CEP128: variants seen among roughly 807,000 people sequenced by gnomAD.
CEP128 encodes centrosomal protein 128.
Under a neutral mutation model 156.7 loss-of-function variants are expected in CEP128, and 132 were observed. That is an observed-to-expected ratio of 0.84 (90% CI 0.73 to 0.97). CEP128 has a LOEUF of 0.97. Ranked by LOEUF, CEP128 falls within the 50% of genes least tolerant of loss-of-function variation. The probability of loss-of-function intolerance (pLI) is 0.00; values close to 1 mark genes in which losing one functional copy is unlikely to be tolerated. For synonymous variants in CEP128, 469 were observed against 448.9 expected (o/e 1.04, Z -0.57); for missense variants, 1,252 against 1,281.9 (o/e 0.98, Z 0.36).
chr14:80,953,969 T>TA (rs1012614366), intron 2 of CEP128, among the ~76,000 whole-genome samples: 9 of 152,176 alleles, frequency 5.9e-5, no homozygotes, highest in East Asian at 1.9e-4. Context: ...TGGTAATTTT[T>TA]AAAAAAACAA....
chr14:80,782,712 A>T (rs1277703528), intron 15 of CEP128, among the ~76,000 whole-genome samples: 1 of 151,610 alleles, frequency 6.6e-6, no homozygotes, highest in Non-Finnish European at 1.5e-5. Flanking sequence ...TTTTTATCAA[A>T]TCCCCTCACA....
rs116201464 is a variant in CEP128 at position 80,696,869 on chromosome 14, G to A, written c.2806+46206C>T. On this transcript the variant is annotated intron_variant, in intron 19 of 24. Transcript: ENST00000555265. Reference sequence around the variant, plus strand: ...AGATGGAATATAAAATTCACAGAGCGTCGTTTCTTTGTATTTGCTTGGCTG... The same window carrying A: ...AGATGGAATATAAAATTCACAGAGCATCGTTTCTTTGTATTTGCTTGGCTG... Among the ~76,000 whole-genome samples the A allele has an allele frequency of 4.7e-3, 715 of 152,272 alleles. 6 individuals are homozygous for A. The highest frequency in any genetic ancestry group is 0.016 in the African/African-American group (676 of 41,574).
Position 80,722,867 on chromosome 14 carries a change from C to T in CEP128, c.2806+20208G>A, listed in dbSNP as rs192744492. The stretch of plus-strand genomic sequence containing the variant: ...TTGAGACGGGAGTCTTGCTCTGTCG[C>T]CCAGGCTGGAGTGCAATGGCGCGAT... On this transcript the variant is annotated intron_variant, in intron 19 of 24. Transcript: ENST00000555265. Among the ~76,000 whole-genome samples the T allele has an allele frequency of 2.7e-3, 395 of 148,224 alleles. 1 individual carries two copies. The highest frequency in any genetic ancestry group is 4.1e-3 in the Non-Finnish European group (274 of 67,342).
At chr14:80,936,049 AG>A (rs1885789548) in intron 2 of CEP128, among the ~76,000 whole-genome samples, 1 of 152,204 alleles carries the variant, frequency 6.6e-6, no homozygotes, top group South Asian at 2.1e-4. Context: ...TTTCATCAGG[AG>A]TCCACCCTGC....
At chr14:80,877,822 C>T (rs1209292558) in intron 8 of CEP128, among the ~76,000 whole-genome samples, 2 of 152,174 alleles carry the variant, frequency 1.3e-5, no homozygotes, top group Non-Finnish European at 2.9e-5. Context: ...AACCCAGAGC[C>T]TTGAAGTGCT....
chr14:80,740,028 G>A (rs915375348), intron 19 of CEP128, among the ~76,000 whole-genome samples: 4 of 152,010 alleles, frequency 2.6e-5, no homozygotes, highest in African/African-American at 7.2e-5. Context: ...TTGGGCCAAT[G>A]GCAAGATATC....
upstream of CEP128, chr14:80,945,850 G>T (rs1011239813): frequency 1.3e-5 from 2 of 152,184 alleles, no homozygotes; most frequent in Non-Finnish European, 2.9e-5. Context: ...AGAGAATACA[G>T]CCCCCGTTCC....
intron 13 of CEP128, among the ~76,000 whole-genome samples, chr14:80,816,669 T>C (rs902751360): frequency 1.3e-5 from 2 of 152,100 alleles, no homozygotes; most frequent in African/African-American, 4.8e-5. Flanking sequence ...AAGCTTTACC[T>C]AAGGAGACTG....
chr14:80,647,725 T>A (rs1380287241), intron 19 of CEP128, among the ~76,000 whole-genome samples: 1 of 152,044 alleles, frequency 6.6e-6, no homozygotes, highest in Non-Finnish European at 1.5e-5. Context: ...CAACGTGCAG[T>A]ATAGCCCCAC....
At chr14:80,731,195 T>C (rs999764895) in intron 19 of CEP128, among the ~76,000 whole-genome samples, 17 of 152,208 alleles carry the variant, frequency 1.1e-4, no homozygotes, top group Non-Finnish European at 2.5e-4. Flanking sequence ...AGAAGGCTCA[T>C]TGAGGTTGAC....
chr14:80,631,293 AACT>A (rs1893949235), intron 19 of CEP128, among the ~76,000 whole-genome samples: 1 of 152,016 alleles, frequency 6.6e-6, no homozygotes, highest in Non-Finnish European at 1.5e-5. Flanking sequence ...ATTGCCATCT[AACT>A]TTGAAAACTA....
intron 20 of CEP128, among the ~76,000 whole-genome samples, chr14:80,560,863 G>A (rs116283925): frequency 3.9e-4 from 60 of 152,180 alleles, no homozygotes; most frequent in African/African-American, 1.2e-3. Context: ...CCTTGTGATC[G>A]TGCAAGTTAA....
At chr14:80,647,126 T>TGC (rs1894697637) in intron 19 of CEP128, among the ~76,000 whole-genome samples, 1 of 88,100 alleles carries the variant, frequency 1.1e-5, no homozygotes, top group Non-Finnish European at 2.4e-5. Flanking sequence ...CACACACACA[T>TGC]ACACACACAC....
At chr14:80,771,536 G>T (rs17111078) in intron 16 of CEP128, among the ~76,000 whole-genome samples, 15,226 of 152,142 alleles carry the variant, frequency 0.1, 1,295 homozygotes, top group East Asian at 0.43. Flanking sequence ...ATGTTACTAG[G>T]TGTCACTTTA....
At chr14:80,678,367 CAA>C (rs34444017) in intron 19 of CEP128, among the ~76,000 whole-genome samples, 10 of 131,216 alleles carry the variant, frequency 7.6e-5, no homozygotes, top group Admixed American at 1.5e-4. Flanking sequence ...CACTCCATTC[CAA>C]AAAAAAAAAA....
At chr14:80,938,228 T>C (rs1026355116) in intron 2 of CEP128, among the ~76,000 whole-genome samples, 1 of 150,328 alleles carries the variant, frequency 6.7e-6, no homozygotes, top group African/African-American at 2.4e-5. Context: ...CCACTGATCT[T>C]AATACACAGT....
chr14:80,658,310 T>C (rs1161757961), intron 19 of CEP128, among the ~76,000 whole-genome samples: 5 of 152,168 alleles, frequency 3.3e-5, no homozygotes, highest in African/African-American at 9.7e-5. Context: ...CATTCTTTTG[T>C]TGCTGTTGTT....
At chr14:80,583,310 G>GAC (rs1311760550) in intron 19 of CEP128, among the ~76,000 whole-genome samples, 1 of 152,088 alleles carries the variant, frequency 6.6e-6, no homozygotes, top group Non-Finnish European at 1.5e-5. Context: ...GGTATAAGCA[G>GAC]ACACCTGTTT....
chr14:80,619,707 T>C (rs11626602), intron 19 of CEP128, among the ~76,000 whole-genome samples: 102 of 99,386 alleles, frequency 1.0e-3, no homozygotes, highest in Non-Finnish European at 1.5e-3. Flanking sequence ...TGTCTCAAGT[T>C]AAAAAAAAAA....
Sources: allele counts gnomAD v4.1 joint callset (sites outside exome capture counted in the v4.1 genomes callset), GRCh38; gene constraint gnomAD v4.1.1; transcripts MANE v1.5; gene names NCBI Gene and HGNC (gene_info 2026-07-23, HGNC 2026-07-21).